Variants in CALN1 observed in about 807,000 individuals in gnomAD.
The protein encoded by CALN1 is calcium-binding protein 8.
CALN1 carries 17 observed loss-of-function variants against 30.6 expected under a neutral mutation model. The ratio of observed to expected loss-of-function variants is 0.56; its 90% CI spans 0.38 to 0.83. The LOEUF (loss-of-function observed/expected upper bound fraction) is 0.83. Among genes scored for constraint, CALN1 ranks in the 40% least tolerant of loss-of-function variants. The pLI, the probability that CALN1 is intolerant of heterozygous loss-of-function variation, is 0.00. For missense variants in CALN1, 291 were observed against 354.9 expected, an observed-to-expected ratio of 0.82 and a Z score of 1.45; for synonymous variants, 156 against 131.4, an observed-to-expected ratio of 1.19 and a Z score of -1.28.
intron 4 of CALN1, among the ~76,000 whole-genome samples, chr7:72,074,758 C>A (rs1262211281): frequency 6.6e-6 from 1 of 152,148 alleles, no homozygotes; most frequent in Non-Finnish European, 1.5e-5. Flanking sequence ...AGTGCCCTGA[C>A]AACCTACTTG....
intron 3 of CALN1, among the ~76,000 whole-genome samples, chr7:72,204,999 G>A (rs985892555): frequency 1.3e-5 from 2 of 152,014 alleles, no homozygotes; most frequent in African/African-American, 4.8e-5. Flanking sequence ...ACACAGCATT[G>A]CCAACAATGG....
At chr7:71,870,274 T>G (rs1791844890) in intron 5 of CALN1, among the ~76,000 whole-genome samples, 1 of 151,794 alleles carries the variant, frequency 6.6e-6, no homozygotes, top group Admixed American at 6.6e-5. Flanking sequence ...TCTCAGCTAC[T>G]AGGGAGGCTG....
intron 2 of CALN1, among the ~76,000 whole-genome samples, chr7:72,304,100 T>TG (rs1799484695): frequency 6.6e-6 from 1 of 152,026 alleles, no homozygotes; most frequent in South Asian, 2.1e-4. Flanking sequence ...AATGAAGAGG[T>TG]GCTAAGCCCT....
intron 3 of CALN1, among the ~76,000 whole-genome samples, chr7:72,265,015 G>A (rs1157063813): frequency 1.3e-5 from 2 of 152,074 alleles, no homozygotes; most frequent in East Asian, 3.9e-4. Context: ...AATTTTTGTA[G>A]TATTTGTAGA....
intron 3 of CALN1, among the ~76,000 whole-genome samples, chr7:72,261,796 T>G (rs986249475): frequency 2.0e-5 from 3 of 152,166 alleles, no homozygotes; most frequent in Non-Finnish European, 2.9e-5. Context: ...CATAAAACTT[T>G]AGTGGAACAA....
intron 2 of CALN1, among the ~76,000 whole-genome samples, chr7:72,294,509 G>A (rs1798713973): frequency 6.6e-6 from 1 of 152,028 alleles, no homozygotes; most frequent in Admixed American, 6.6e-5. Flanking sequence ...CCACACTTTG[G>A]GAGGTTGAGA....
intron 2 of CALN1, chr7:72,337,337 A>C: frequency 2.1e-6 from 2 of 959,204 alleles, no homozygotes; most frequent in Non-Finnish European, 2.5e-6. Flanking sequence ...CCCACCCCCC[A>C]ACCTCCGCCT....
intron 3 of CALN1, among the ~76,000 whole-genome samples, chr7:72,127,572 A>G (rs1451305834): frequency 6.6e-6 from 1 of 152,126 alleles, no homozygotes; most frequent in Admixed American, 6.5e-5. Context: ...TGGTCAACGT[A>G]TATATGGGTT....
chr7:71,898,357 C>A (rs968177583), intron 5 of CALN1, among the ~76,000 whole-genome samples: 1 of 151,892 alleles, frequency 6.6e-6, no homozygotes, highest in Non-Finnish European at 1.5e-5. Context: ...AAGAAAATAT[C>A]CCAAAATTTA....
At position 71,930,632 on chromosome 7, in the gene CALN1, C is replaced by T. The variant is rs1795502218; in HGVS notation, c.501+93025G>A. Among the ~76,000 whole-genome samples the T allele has an allele frequency of 1.3e-5, 2 of 152,102 alleles. 1 individual carries two copies. The highest frequency in any genetic ancestry group is 2.9e-5 in the Non-Finnish European group (2 of 68,020). On this transcript the variant is annotated intron_variant, in intron 5 of 6. Coordinates refer to ENST00000395275, the MANE Select transcript of CALN1 (RefSeq NM_031468.4). ...CCTTGTGCTTTATGAACATTTGCTC[C>T]TATATTTACTTCTAAGAGTTTTATC...
intron 5 of CALN1, among the ~76,000 whole-genome samples, chr7:71,818,943 C>CAA (rs1788430265): frequency 6.6e-6 from 1 of 151,620 alleles, no homozygotes; most frequent in South Asian, 2.1e-4. Context: ...CTCCTGACCT[C>CAA]GTGATCTGCC....
At chr7:72,078,944 C>G (rs1804935270) in intron 4 of CALN1, among the ~76,000 whole-genome samples, 1 of 152,094 alleles carries the variant, frequency 6.6e-6, no homozygotes, top group Admixed American at 6.5e-5. Context: ...ACAAAACAAA[C>G]AAACAAACAA....
chr7:71,807,777 T>C (rs906922173), intron 6 of CALN1, among the ~76,000 whole-genome samples: 2 of 151,956 alleles, frequency 1.3e-5, no homozygotes, highest in Non-Finnish European at 2.9e-5. Context: ...CCATCTCTAC[T>C]AAAAATACAA....
At position 71,780,668 on chromosome 7, in the gene CALN1, A is replaced by T. The variant is rs1162020763; in HGVS notation, c.*7107T>A. On this transcript the variant is annotated 3_prime_UTR_variant, in exon 7 of 7. Transcript: ENST00000395275. ...GGAATAATTACAAGCTACTATCAAC[A>T]TATACTGGAAGTGCTGTTATAGTGG... 2.6e-5 allele frequency: 4 copies of T among 151,990 alleles called. No individual in the cohort carries two copies. Among genetic ancestry groups the T allele is most frequent in the Admixed American group, 1.3e-4 (2 of 15,240 alleles). The allele number at this position is 151,990 out of a possible 1,614,324, so 9.4% of individuals were successfully genotyped here.
Position 72,331,179 on chromosome 7 carries a change from G to A in CALN1, c.120-52369C>T, listed in dbSNP as rs146859133. Among the ~76,000 whole-genome samples the A allele has an allele frequency of 3.3e-3, 495 of 151,942 alleles. 3 individuals carry two copies. Among genetic ancestry groups the A allele is most frequent in the African/African-American group, 0.011 (439 of 41,456 alleles). The stretch of plus-strand genomic sequence containing the variant: ...AGCCTGGCCAATATGGTGAAACCCC[G>A]TCTCTACTAAAAATACAAAAATTAG... On this transcript the variant is annotated intron_variant, in intron 2 of 6. Coordinates refer to ENST00000395275, the MANE Select transcript of CALN1 (RefSeq NM_031468.4).
intron 2 of CALN1, among the ~76,000 whole-genome samples, chr7:72,323,809 T>A (rs1801075316): frequency 6.6e-6 from 1 of 152,132 alleles, no homozygotes; most frequent in African/African-American, 2.4e-5. Flanking sequence ...TTTGGGAGGC[T>A]GAGGTGGGTG....
At chr7:71,818,178 C>G (rs1199127508) in intron 5 of CALN1, among the ~76,000 whole-genome samples, 1 of 151,970 alleles carries the variant, frequency 6.6e-6, no homozygotes, top group Non-Finnish European at 1.5e-5. Context: ...GTCTTGGCAC[C>G]ACCTGGTTGG....
intron 5 of CALN1, among the ~76,000 whole-genome samples, chr7:71,824,020 A>G (rs1286182007): frequency 6.6e-6 from 1 of 152,050 alleles, no homozygotes; most frequent in Non-Finnish European, 1.5e-5. Context: ...CTCCCATGAC[A>G]CGTGGGAATT....
At chr7:72,341,132 G>A (rs534782165) in intron 2 of CALN1, among the ~76,000 whole-genome samples, 13 of 152,288 alleles carry the variant, frequency 8.5e-5, no homozygotes, top group African/African-American at 3.1e-4. Flanking sequence ...CTTTCCCTTT[G>A]ATCCCTTAGT....
Sources: allele counts gnomAD v4.1 joint callset (sites outside exome capture counted in the v4.1 genomes callset), GRCh38; gene constraint gnomAD v4.1.1; transcripts MANE v1.5; gene names NCBI Gene and HGNC (gene_info 2026-07-23, HGNC 2026-07-21).